LUZP2: variants seen among roughly 807,000 people sequenced by gnomAD.
LUZP2 encodes the protein leucine zipper protein 2.
A neutral mutation model predicts 51.6 loss-of-function variants in LUZP2; 52 were observed. That is an observed-to-expected ratio of 1.01 (90% CI 0.81 to 1.27). LUZP2 has a LOEUF of 1.27. Ranked by LOEUF, LUZP2 falls within the 50% of genes most tolerant of loss-of-function variation. The pLI, the probability that LUZP2 is intolerant of heterozygous loss-of-function variation, is 0.00. For missense variants in LUZP2, 436 were observed against 395.4 expected, an observed-to-expected ratio of 1.10 and a Z score of -0.87; for synonymous variants, 154 against 137.3, an observed-to-expected ratio of 1.12 and a Z score of -0.85.
chr11:25,032,810 T>C (rs769895588), intron 9 of LUZP2, among the ~76,000 whole-genome samples: 6 of 152,198 alleles, frequency 3.9e-5, no homozygotes, highest in Admixed American at 2.6e-4. Flanking sequence ...CCTTATACAA[T>C]ACATTCATTG....
intron 10 of LUZP2, among the ~76,000 whole-genome samples, chr11:25,073,218 C>T (rs1046384342): frequency 1.3e-5 from 2 of 152,174 alleles, no homozygotes; most frequent in Non-Finnish European, 1.5e-5. Context: ...AAGAGCCTTG[C>T]ACTGGTTTAT....
intron 5 of LUZP2, among the ~76,000 whole-genome samples, chr11:24,806,879 A>T (rs1590563573): frequency 6.6e-6 from 1 of 151,814 alleles, no homozygotes; most frequent in East Asian, 2.0e-4. Context: ...ATGGAATCAC[A>T]TATAAGTTGG....
intron 7 of LUZP2, among the ~76,000 whole-genome samples, chr11:24,963,231 G>A (rs1203084562): frequency 3.9e-5 from 6 of 152,210 alleles, no homozygotes; most frequent in Non-Finnish European, 5.9e-5. Context: ...CCCACTTGAG[G>A]AGGCAGTCTG....
At position 24,862,837 on chromosome 11, in the gene LUZP2, T is replaced by C. The variant is rs553952040; in HGVS notation, c.397-43154T>C. 7.0e-3 allele frequency among the ~76,000 whole-genome samples: 1,066 copies of C among 152,306 alleles called. 7 individuals carry two copies. The highest frequency in any genetic ancestry group is 0.012 in the Non-Finnish European group (828 of 68,032). ...TAATAAAGAACTTGAATTCAGAATA[T>C]ATAAAGAAATCTTCCAATTCAAAAA... On this transcript the variant is annotated intron_variant, in intron 5 of 11. Coordinates refer to ENST00000336930, the MANE Select transcript of LUZP2 (RefSeq NM_001009909.4).
At chr11:24,857,049 C>T (rs1851587934) in intron 5 of LUZP2, among the ~76,000 whole-genome samples, 1 of 151,802 alleles carries the variant, frequency 6.6e-6, no homozygotes, top group Admixed American at 6.6e-5. Flanking sequence ...GCAATATATC[C>T]ACATAACAAA....
intron 5 of LUZP2, among the ~76,000 whole-genome samples, chr11:24,777,198 T>A (rs1848957441): frequency 6.6e-6 from 1 of 152,032 alleles, no homozygotes; most frequent in Non-Finnish European, 1.5e-5. Flanking sequence ...TTTCACCGTG[T>A]TAGCCAGGAT....
At chr11:24,795,737 C>G (rs1000610025) in intron 5 of LUZP2, among the ~76,000 whole-genome samples, 1 of 152,024 alleles carries the variant, frequency 6.6e-6, no homozygotes, top group Non-Finnish European at 1.5e-5. Flanking sequence ...GTCTTGAGAT[C>G]AGAGAGCTAA....
chr11:24,511,888 A>G (rs1381403749), intron 1 of LUZP2, among the ~76,000 whole-genome samples: 7 of 151,938 alleles, frequency 4.6e-5, no homozygotes, highest in African/African-American at 1.4e-4. Flanking sequence ...AGTGTCTCTT[A>G]TTTAGGCTAA....
chr11:24,741,990 T>G (rs906653610), intron 4 of LUZP2, among the ~76,000 whole-genome samples: 22 of 108,462 alleles, frequency 2.0e-4, no homozygotes, highest in Middle Eastern at 4.7e-3. Context: ...ATATTATATA[T>G]AAATGTATAT....
At chr11:25,010,240 C>A (rs1856943075) in intron 9 of LUZP2, among the ~76,000 whole-genome samples, 1 of 152,144 alleles carries the variant, frequency 6.6e-6, no homozygotes, top group Non-Finnish European at 1.5e-5. Context: ...AGAATCTATG[C>A]TCTCTAAAAT....
rs1210798109 is a variant in LUZP2 at position 24,958,214 on chromosome 11, T to C, written c.523-18377T>C. Reference sequence around the variant, plus strand: ...TGTGAATAGTGCCACAATAAACATATGTGTGCATGTGTCTTTATAGCAGCA... The same window carrying C: ...TGTGAATAGTGCCACAATAAACATACGTGTGCATGTGTCTTTATAGCAGCA... On this transcript the variant is annotated intron_variant, in intron 7 of 11. Transcript: ENST00000336930. Among the ~76,000 whole-genome samples the C allele has an allele frequency of 5.9e-5, 9 of 152,240 alleles. No homozygotes were observed. The South Asian group carries it at 1.5e-3, about 25-fold the overall frequency.
At chr11:24,555,448 A>G (rs1415833439) in intron 1 of LUZP2, among the ~76,000 whole-genome samples, 1 of 152,196 alleles carries the variant, frequency 6.6e-6, no homozygotes, top group Non-Finnish European at 1.5e-5. Context: ...CCTATCAGCC[A>G]TCTTTATTAT....
chr11:24,628,806 A>T (rs904080419), intron 1 of LUZP2, among the ~76,000 whole-genome samples: 3 of 151,904 alleles, frequency 2.0e-5, no homozygotes, highest in South Asian at 2.1e-4. Flanking sequence ...TGATCCGCTC[A>T]TTTTGCCCTC....
intron 7 of LUZP2, among the ~76,000 whole-genome samples, chr11:24,965,682 C>T (rs1855561472): frequency 1.3e-5 from 2 of 151,608 alleles, no homozygotes; most frequent in African/African-American, 4.8e-5. Context: ...TTAATACCTA[C>T]TGTTTTGAAG....
intron 9 of LUZP2, among the ~76,000 whole-genome samples, chr11:25,005,479 C>T (rs1182908148): frequency 6.6e-6 from 1 of 152,034 alleles, no homozygotes; most frequent in East Asian, 1.9e-4. Flanking sequence ...TGGGGCCAGG[C>T]CATGGTGCAG....
chr11:24,699,576 A>T (rs374369937), intron 1 of LUZP2, among the ~76,000 whole-genome samples: 2 of 151,948 alleles, frequency 1.3e-5, no homozygotes, highest in East Asian at 3.9e-4. Flanking sequence ...TTGGGGGGAC[A>T]TGGTAAGCCT....
At chr11:24,911,545 C>G (rs929726595) in intron 6 of LUZP2, among the ~76,000 whole-genome samples, 5 of 152,080 alleles carry the variant, frequency 3.3e-5, no homozygotes, top group Non-Finnish European at 7.4e-5. Flanking sequence ...CCTGCTGGCA[C>G]TCACTCTCTC....
At chr11:24,970,565 C>G (rs1165503102) in intron 7 of LUZP2, among the ~76,000 whole-genome samples, 2 of 152,088 alleles carry the variant, frequency 1.3e-5, no homozygotes, top group Non-Finnish European at 2.9e-5. Flanking sequence ...ACTGATGAGT[C>G]AGAACTTCGC....
intron 7 of LUZP2, among the ~76,000 whole-genome samples, chr11:24,965,390 T>C (rs978521447): frequency 6.6e-6 from 1 of 151,420 alleles, no homozygotes; most frequent in African/African-American, 2.4e-5. Flanking sequence ...CCTTGATTCA[T>C]ATTCAAAGCT....
Sources: gnomAD v4.1 joint callset for allele counts (sites outside exome capture counted in the v4.1 genomes callset) on GRCh38, gnomAD v4.1.1 for gene constraint, MANE v1.5 for transcripts, NCBI Gene and HGNC (gene_info 2026-07-23, HGNC 2026-07-21) for gene names.